The following CNTN1 variants were observed in gnomAD, a reference collection of about 807,000 sequenced individuals.
CNTN1 encodes the protein contactin 1.
A neutral mutation model predicts 126.4 loss-of-function variants in CNTN1; 38 were observed. That is an observed-to-expected ratio of 0.30 (90% CI 0.23 to 0.39). The LOEUF (loss-of-function observed/expected upper bound fraction) is 0.39. Ranked by LOEUF, CNTN1 falls within the 10% of genes least tolerant of loss-of-function variation. The pLI is 1.00. For missense variants in CNTN1, 1,009 were observed against 1,248.4 expected (o/e 0.81, Z 2.89); for synonymous variants, 413 against 422.6 (o/e 0.98, Z 0.28).
chr12:40,759,327 G>A (rs1938741992), intron 1 of CNTN1, among the ~76,000 whole-genome samples: 1 of 152,170 alleles, frequency 6.6e-6, no homozygotes, highest in Non-Finnish European at 1.5e-5. Context: ...GATTGGCTGG[G>A]TCAAGGGAGC....
At chr12:40,718,202 C>T (rs1293481100) in intron 1 of CNTN1, among the ~76,000 whole-genome samples, 3 of 152,130 alleles carry the variant, frequency 2.0e-5, no homozygotes, top group Non-Finnish European at 2.9e-5. Context: ...CAGAATCTTG[C>T]TCTGTCGCCA....
At chr12:41,019,784 C>T (rs987310712) in intron 19 of CNTN1, among the ~76,000 whole-genome samples, 3 of 151,958 alleles carry the variant, frequency 2.0e-5, no homozygotes, top group African/African-American at 4.8e-5. Flanking sequence ...AAGATCTTAG[C>T]TTGAACATAA....
chr12:40,849,224 TG>T (rs1345784885), intron 1 of CNTN1, among the ~76,000 whole-genome samples: 1 of 152,148 alleles, frequency 6.6e-6, no homozygotes, highest in Non-Finnish European at 1.5e-5. Context: ...TTCCCTGAAC[TG>T]CTTATAATCT....
At position 40,914,336 on chromosome 12, in the gene CNTN1, G is replaced by C. The variant is rs561687527; in HGVS notation, c.94+4231G>C. Among the ~76,000 whole-genome samples, 12 of 152,238 alleles carry C rather than the reference G, an allele frequency of 7.9e-5. No homozygotes were observed. In the South Asian group the frequency reaches 2.5e-3, roughly 32 times the overall value. On this transcript the variant is annotated intron_variant, in intron 3 of 23. Coordinates refer to ENST00000551295, the MANE Select transcript of CNTN1 (RefSeq NM_001843.4). ...TTGAGCTAGCGTGGTCGGAAACTAAGGTACAGCCTGCGAGGGAGACATGAG... is the reference window on the plus strand; with the variant it reads ...TTGAGCTAGCGTGGTCGGAAACTAACGTACAGCCTGCGAGGGAGACATGAG...
intron 1 of CNTN1, among the ~76,000 whole-genome samples, chr12:40,902,845 T>C (rs1944657167): frequency 6.6e-6 from 1 of 152,066 alleles, no homozygotes; most frequent in African/African-American, 2.4e-5. Context: ...AAGAGCTAGA[T>C]GGAGGTCTGT....
intron 1 of CNTN1, among the ~76,000 whole-genome samples, chr12:40,904,087 C>T (rs987400541): frequency 5.3e-5 from 8 of 152,084 alleles, no homozygotes; most frequent in South Asian, 2.1e-4. Flanking sequence ...GGCGCGATCT[C>T]GGCTCACTGC....
rs540228859 is a variant in CNTN1 at position 40,887,645 on chromosome 12, C to A, written c.-76-20712C>A. On this transcript the variant is annotated intron_variant, in intron 1 of 23. Transcript: ENST00000551295. ...TCTAGAACTAGAAATACCATTTGAC[C>A]CAGCCATCCCATTACTGGGTATATA... Among the ~76,000 whole-genome samples, 1,076 of 151,818 alleles carry A rather than the reference C, an allele frequency of 7.1e-3. 9 individuals carry two copies. Among genetic ancestry groups the A allele is most frequent in the Middle Eastern group, 0.014 (4 of 294 alleles).
intron 1 of CNTN1, among the ~76,000 whole-genome samples, chr12:40,807,512 G>A (rs976288289): frequency 6.6e-6 from 1 of 152,060 alleles, no homozygotes; most frequent in Non-Finnish European, 1.5e-5. Context: ...GATTTCTGCT[G>A]CACCAAAGGC....
chr12:40,873,139 C>T (rs1255492755), intron 1 of CNTN1, among the ~76,000 whole-genome samples: 1 of 151,996 alleles, frequency 6.6e-6, no homozygotes, highest in African/African-American at 2.4e-5. Context: ...GAAAGTGGAA[C>T]ATATTATAAT....
chr12:40,809,814 T>A lies in CNTN1; in HGVS notation c.-76-98543T>A, dbSNP rs200973678. On this transcript the variant is annotated intron_variant, in intron 1 of 23. Transcript: ENST00000551295. ...CTGGGCAACAGAGTGAGACTCTGTC[T>A]CACACACACACACACACACACACAC... Among the ~76,000 whole-genome samples the A allele has an allele frequency of 5.7e-3, 841 of 146,842 alleles. 7 individuals carry two copies. Among genetic ancestry groups the A allele is most frequent in the African/African-American group, 0.013 (511 of 39,210 alleles).
intron 1 of CNTN1, among the ~76,000 whole-genome samples, chr12:40,861,923 C>A (rs1943127072): frequency 6.6e-6 from 1 of 151,726 alleles, no homozygotes; most frequent in East Asian, 1.9e-4. Context: ...TATTTTTGTT[C>A]TAGATAGTGA....
chr12:40,715,329 G>T (rs1001822920), intron 1 of CNTN1, among the ~76,000 whole-genome samples: 4 of 152,002 alleles, frequency 2.6e-5, no homozygotes, highest in African/African-American at 9.7e-5. Flanking sequence ...CTGTTAACTG[G>T]TAACTCTTAT....
intron 1 of CNTN1, among the ~76,000 whole-genome samples, chr12:40,810,771 C>T (rs1941031543): frequency 6.6e-6 from 1 of 152,030 alleles, no homozygotes. Flanking sequence ...AATTTCAGAC[C>T]TTTGGGAGGC....
intron 1 of CNTN1, among the ~76,000 whole-genome samples, chr12:40,842,937 A>C (rs1030606946): frequency 9.2e-5 from 14 of 152,226 alleles, no homozygotes; most frequent in Admixed American, 7.2e-4. Flanking sequence ...TAACGTAGGC[A>C]AAAGGGGGAT....
chr12:40,738,961 T>G (rs1423311559), intron 1 of CNTN1, among the ~76,000 whole-genome samples: 1 of 152,064 alleles, frequency 6.6e-6, no homozygotes, highest in East Asian at 1.9e-4. Context: ...GCAACTTCAC[T>G]TCTAAAAATA....
intron 1 of CNTN1, among the ~76,000 whole-genome samples, chr12:40,805,830 G>T (rs1940834009): frequency 6.6e-6 from 1 of 152,122 alleles, no homozygotes; most frequent in African/African-American, 2.4e-5. Context: ...GGTTGTTAGT[G>T]TGTGGAAGGA....
chr12:41,017,199 TA>T (rs1948801183), intron 19 of CNTN1, among the ~76,000 whole-genome samples: 2 of 151,732 alleles, frequency 1.3e-5, no homozygotes, highest in African/African-American at 4.9e-5. Context: ...CTCTTGATTA[TA>T]ATTTTGTAGT....
Position 41,067,983 on chromosome 12 carries a change from T to C in CNTN1, c.2981-1976T>C, listed in dbSNP as rs539897898. ...TGAAACAGTTTATGTGTTAGCTTTT[T>C]TCCATATGACATTTATTATTTTCCT... On this transcript the variant is annotated intron_variant, in intron 23 of 23. Transcript: ENST00000551295. Among the ~76,000 whole-genome samples the C allele has an allele frequency of 2.0e-5, 3 of 152,320 alleles. No homozygotes were observed. The South Asian group carries it at 6.2e-4, about 32-fold the overall frequency.
intron 1 of CNTN1, among the ~76,000 whole-genome samples, chr12:40,810,240 C>T (rs541351476): frequency 6.6e-6 from 1 of 152,116 alleles, no homozygotes; most frequent in Non-Finnish European, 1.5e-5. Flanking sequence ...TTGAGGTATA[C>T]TTGACAAATA....
Sources: allele counts gnomAD v4.1 joint callset (sites outside exome capture counted in the v4.1 genomes callset), GRCh38; gene constraint gnomAD v4.1.1; transcripts MANE v1.5; gene names NCBI Gene and HGNC (gene_info 2026-07-23, HGNC 2026-07-21).